Variants in ADD2 observed in about 807,000 individuals in gnomAD.
The protein encoded by ADD2 is adducin 2, also known as beta-adducin.
In ADD2, 23 loss-of-function variants were observed where a neutral mutation model predicts 83.0. That is an observed-to-expected ratio of 0.28 (90% CI 0.20 to 0.39). The LOEUF (loss-of-function observed/expected upper bound fraction) is 0.39. Ranked by LOEUF, ADD2 falls within the 10% of genes least tolerant of loss-of-function variation. ADD2 has a pLI of 1.00. For missense variants in ADD2, 758 were observed against 944.9 expected, an observed-to-expected ratio of 0.80 and a Z score of 2.59; for synonymous variants, 375 against 375.4, an observed-to-expected ratio of 1.00 and a Z score of 0.01.
rs782113862 is a variant in ADD2 at position 70,662,644 on chromosome 2, A to G, written c.*781T>C. On this transcript the variant is annotated 3_prime_UTR_variant, in exon 16 of 16. Coordinates refer to ENST00000264436, the MANE Select transcript of ADD2 (RefSeq NM_001617.4). ...CCTGAGCATTAAACAACTTTTTCCTATGCTAAATTTGGTTTTAGTTTTGAA... is the reference window on the plus strand; with the variant it reads ...CCTGAGCATTAAACAACTTTTTCCTGTGCTAAATTTGGTTTTAGTTTTGAA... 2.0e-5 allele frequency: 3 copies of G among 152,170 alleles called. No homozygotes were observed. The highest frequency in any genetic ancestry group is 2.1e-4 in the South Asian group (1 of 4,834). The allele number at this position is 152,170 out of a possible 1,614,324, so 9.4% of individuals were successfully genotyped here. A position where few individuals can be genotyped will look rare whatever the true frequency, so the allele number is the denominator to read the frequency against.
intron 1 of ADD2, among the ~76,000 whole-genome samples, chr2:70,764,860 A>G (rs1315282393): frequency 6.6e-6 from 1 of 151,990 alleles, no homozygotes; most frequent in African/African-American, 2.4e-5. Flanking sequence ...CAGAGAATAC[A>G]CAGATCTTTC....
At chr2:70,720,748 C>A (rs1480990434) in intron 1 of ADD2, among the ~76,000 whole-genome samples, 1 of 152,190 alleles carries the variant, frequency 6.6e-6, no homozygotes, top group Non-Finnish European at 1.5e-5. Flanking sequence ...AACCCATTTC[C>A]TCTTCTTCCT....
At chr2:70,688,799 C>T (rs1359622749) in intron 8 of ADD2, among the ~76,000 whole-genome samples, 2 of 152,106 alleles carry the variant, frequency 1.3e-5, no homozygotes, top group Non-Finnish European at 2.9e-5. Context: ...AAATAAAAGC[C>T]TGAAAAGACT....
chr2:70,750,784 A>G (rs1553382819), intron 1 of ADD2, among the ~76,000 whole-genome samples: 1 of 152,200 alleles, frequency 6.6e-6, no homozygotes, highest in Non-Finnish European at 1.5e-5. Flanking sequence ...TCTCCATGTA[A>G]AGGCAGCCCT....
At chr2:70,685,313 C>T (rs936906448) in intron 9 of ADD2, among the ~76,000 whole-genome samples, 1 of 152,128 alleles carries the variant, frequency 6.6e-6, no homozygotes, top group African/African-American at 2.4e-5. Context: ...AACAAATGCC[C>T]CTGTGATACT....
chr2:70,708,358 G>T (rs1672011571), intron 2 of ADD2, among the ~76,000 whole-genome samples: 1 of 152,116 alleles, frequency 6.6e-6, no homozygotes, highest in South Asian at 2.1e-4. Context: ...GCATCACCTG[G>T]GAACTTTAAA....
intron 1 of ADD2, among the ~76,000 whole-genome samples, chr2:70,744,826 C>A (rs756663063): frequency 3.9e-5 from 6 of 151,920 alleles, no homozygotes; most frequent in Non-Finnish European, 5.9e-5. Context: ...TGGGGAAGAC[C>A]GGGCTTGGAA....
chr2:70,751,684 A>C (rs1674512598), intron 1 of ADD2, among the ~76,000 whole-genome samples: 1 of 152,206 alleles, frequency 6.6e-6, no homozygotes, highest in African/African-American at 2.4e-5. Context: ...CAATCGAAAC[A>C]ACTCGATTCT....
At chr2:70,730,537 A>G (rs1673229541) in intron 1 of ADD2, among the ~76,000 whole-genome samples, 1 of 152,246 alleles carries the variant, frequency 6.6e-6, no homozygotes. Flanking sequence ...GCATGAAGTG[A>G]GGCTGGCCTC....
chr2:70,687,676 C>G (rs1425446995), intron 9 of ADD2, among the ~76,000 whole-genome samples: 3 of 152,104 alleles, frequency 2.0e-5, no homozygotes, highest in South Asian at 2.1e-4. Context: ...ACAGGTATAC[C>G]CCACGTAACA....
chr2:70,752,459 C>T (rs922124087), intron 1 of ADD2, among the ~76,000 whole-genome samples: 3 of 152,150 alleles, frequency 2.0e-5, no homozygotes, highest in Admixed American at 6.5e-5. Context: ...ATGTCATTAA[C>T]ACAGCCTGAC....
chr2:70,688,097 A>C lies in ADD2; in HGVS notation c.875T>G (p.Val292Gly). ...CTCTACCGTGTCACCCAGAGCAACC[A>C]CTCCATGGTTTCTTAGCACCAGGAT... ...CKILVLRNHG[V>G]VALGDTVEEA... Residue 292 changes from valine (V) to glycine (G), a missense_variant, in exon 9 of 16, where the codon GTG becomes GGG. Coordinates refer to ENST00000264436, the MANE Select transcript of ADD2 (RefSeq NM_001617.4). The C allele has an allele frequency of 6.2e-7, 1 of 1,613,990 alleles. No homozygotes were observed. The highest frequency in any genetic ancestry group is 1.3e-5 in the African/African-American group (1 of 75,006).
At chr2:70,715,416 C>G (rs1451943604) in intron 1 of ADD2, among the ~76,000 whole-genome samples, 2 of 152,172 alleles carry the variant, frequency 1.3e-5, no homozygotes, top group Non-Finnish European at 2.9e-5. Flanking sequence ...TTCCAGCCCC[C>G]ACATCCCTCA....
At chr2:70,749,495 G>C (rs1235293727) in intron 1 of ADD2, among the ~76,000 whole-genome samples, 4 of 152,052 alleles carry the variant, frequency 2.6e-5, no homozygotes, top group African/African-American at 9.7e-5. Flanking sequence ...CTGCTAGCTA[G>C]GCAATATTCA....
intron 6 of ADD2, among the ~76,000 whole-genome samples, chr2:70,693,579 T>C (rs185639244): frequency 7.2e-5 from 11 of 152,310 alleles, no homozygotes; most frequent in Non-Finnish European, 1.0e-4. Context: ...ATCAGGAAGA[T>C]GTTCAACAAA....
intron 9 of ADD2, among the ~76,000 whole-genome samples, chr2:70,686,380 C>T (rs571033422): frequency 2.6e-5 from 4 of 152,254 alleles, no homozygotes; most frequent in South Asian, 2.1e-4. Flanking sequence ...AATCCTGAAA[C>T]GAAAGTGATA....
chr2:70,692,649 C>A, intron 6 of ADD2, 97 bp from the exon 7 acceptor site: 1 of 1,312,448 alleles, frequency 7.6e-7, no homozygotes, highest in Non-Finnish European at 1.0e-6. Context: ...GCCCACCTGT[C>A]TTCACACATT....
At chr2:70,677,306 A>T (rs190855743) in intron 12 of ADD2, among the ~76,000 whole-genome samples, 2 of 152,224 alleles carry the variant, frequency 1.3e-5, no homozygotes, top group Admixed American at 1.3e-4. Context: ...GCTGTAGGGT[A>T]TCCGGGTCCA....
rs1327966247 is a variant in ADD2 at position 70,756,572 on chromosome 2, C to T, written c.-154+11314G>A. Among the ~76,000 whole-genome samples, 8 of 152,222 alleles carry T rather than the reference C, an allele frequency of 5.3e-5. No individual in the cohort carries two copies. In the South Asian group the frequency reaches 8.3e-4, roughly 16 times the overall value. On this transcript the variant is annotated intron_variant, in intron 1 of 15. Coordinates refer to ENST00000264436, the MANE Select transcript of ADD2 (RefSeq NM_001617.4). ...CTTATAGACAAATCATAGAAACCAA[C>T]GATGGCTAGGAAATAGAGTATTTTA...
Sources: gnomAD v4.1 joint callset for allele counts (sites outside exome capture counted in the v4.1 genomes callset) on GRCh38, gnomAD v4.1.1 for gene constraint, MANE v1.5 for transcripts, NCBI Gene and HGNC (gene_info 2026-07-23, HGNC 2026-07-21) for gene names.